The following HDAC9 variants were observed in gnomAD, a reference collection of about 807,000 sequenced individuals.
HDAC9 encodes MEF-2 interacting transcription repressor (MITR) protein.
HDAC9 carries 41 observed loss-of-function variants against 139.4 expected under a neutral mutation model. The ratio of observed to expected loss-of-function variants is 0.29; its 90% CI spans 0.23 to 0.38. The LOEUF is 0.38. HDAC9 is among the 10% of genes least tolerant of loss of function. The probability of loss-of-function intolerance (pLI) is 1.00; values close to 1 mark genes in which losing one functional copy is unlikely to be tolerated. For synonymous variants in HDAC9, 517 were observed against 476.2 expected, an observed-to-expected ratio of 1.09 and a Z score of -1.12; for missense variants, 1,147 against 1,297.0, an observed-to-expected ratio of 0.88 and a Z score of 1.78.
intron 21 of HDAC9, among the ~76,000 whole-genome samples, chr7:18,861,093 A>G (rs555576746): frequency 7.2e-5 from 11 of 152,330 alleles, no homozygotes; most frequent in African/African-American, 2.6e-4. Context: ...AAATCATAAT[A>G]AAATATTTCT....
intron 2 of HDAC9, among the ~76,000 whole-genome samples, chr7:18,527,572 C>T (rs1427719445): frequency 1.3e-5 from 2 of 152,010 alleles, no homozygotes; most frequent in African/African-American, 4.8e-5. Flanking sequence ...ATTCACAATA[C>T]AAAAGTCATT....
intron 1 of HDAC9, among the ~76,000 whole-genome samples, chr7:18,416,173 G>A (rs865837700): frequency 1.3e-5 from 2 of 152,040 alleles, no homozygotes; most frequent in Admixed American, 6.6e-5. Flanking sequence ...GCGCATGCCT[G>A]TAATCCCAGC....
chr7:18,520,973 GAC>G (rs1804837145), intron 2 of HDAC9, among the ~76,000 whole-genome samples: 1 of 152,182 alleles, frequency 6.6e-6, no homozygotes, highest in Admixed American at 6.6e-5. Context: ...CCATGAGAAT[GAC>G]ACAAAGCTTA....
intron 11 of HDAC9, among the ~76,000 whole-genome samples, chr7:18,664,020 A>T (rs963074569): frequency 2.6e-5 from 4 of 152,158 alleles, no homozygotes; most frequent in Admixed American, 6.5e-5. Context: ...GCTCGTTTCT[A>T]TGCTGTTGCA....
At chr7:18,200,972 T>C (rs1050862822) in intron 2 of HDAC9, among the ~76,000 whole-genome samples, 6 of 152,174 alleles carry the variant, frequency 3.9e-5, no homozygotes, top group African/African-American at 1.4e-4. Context: ...ATTTTAGTTA[T>C]ACCATCATAG....
intron 13 of HDAC9, among the ~76,000 whole-genome samples, chr7:18,735,801 T>C (rs934594723): frequency 8.5e-5 from 13 of 152,202 alleles, no homozygotes; most frequent in Non-Finnish European, 1.9e-4. Context: ...GGGGATAGCA[T>C]TGAATCTATA....
At chr7:18,375,946 G>A (rs1274585545) in intron 1 of HDAC9, among the ~76,000 whole-genome samples, 1 of 152,190 alleles carries the variant, frequency 6.6e-6, no homozygotes, top group African/African-American at 2.4e-5. Flanking sequence ...TAAAATGAAT[G>A]TATTGTACAA....
chr7:18,442,391 G>A (rs1791868591), intron 1 of HDAC9, among the ~76,000 whole-genome samples: 1 of 152,106 alleles, frequency 6.6e-6, no homozygotes, highest in African/African-American at 2.4e-5. Context: ...CAATAGAAGT[G>A]ACCAAATATT....
At chr7:18,709,697 T>G (rs1484989643) in intron 12 of HDAC9, among the ~76,000 whole-genome samples, 1 of 152,196 alleles carries the variant, frequency 6.6e-6, no homozygotes, top group Non-Finnish European at 1.5e-5. Context: ...CTTACAGGTT[T>G]AGAATCAAAT....
chr7:18,874,690 A>T, intron 22 of HDAC9, 94 bp downstream of exon 22: 1 of 701,996 alleles, frequency 1.4e-6, no homozygotes, highest in African/African-American at 1.8e-5. Context: ...TGTGTCCAGT[A>T]AACTTGGGTG....
chr7:18,194,089 A>G (rs1790560580), intron 2 of HDAC9, among the ~76,000 whole-genome samples: 4 of 152,188 alleles, frequency 2.6e-5, no homozygotes, highest in African/African-American at 7.2e-5. Context: ...AGCCAAAGAA[A>G]GGAGATGTAT....
intron 17 of HDAC9, among the ~76,000 whole-genome samples, chr7:18,818,677 T>C (rs1042003953): frequency 6.6e-6 from 1 of 152,238 alleles, no homozygotes; most frequent in Admixed American, 6.5e-5. Flanking sequence ...CGTTTTGTTC[T>C]GCATTCTGTA....
intron 2 of HDAC9, among the ~76,000 whole-genome samples, chr7:18,524,789 C>CTGAGT (rs565522088): frequency 4.2e-4 from 63 of 151,622 alleles, no homozygotes; most frequent in Middle Eastern, 3.4e-3. Flanking sequence ...TCCCAAACCC[C>CTGAGT]TGAGTTGAAG....
intron 21 of HDAC9, among the ~76,000 whole-genome samples, chr7:18,839,498 G>A (rs1562978591): frequency 6.6e-6 from 1 of 152,024 alleles, no homozygotes. Flanking sequence ...TGGCAGAGAA[G>A]AGCTATTCAA....
intron 6 of HDAC9, among the ~76,000 whole-genome samples, chr7:18,598,441 C>T (rs1408436946): frequency 2.6e-5 from 4 of 152,082 alleles, no homozygotes; most frequent in Non-Finnish European, 4.4e-5. Flanking sequence ...GTAATTCAGG[C>T]TTTGAATCCA....
chr7:18,177,396 C>G lies in HDAC9; in HGVS notation c.25+15047C>G, dbSNP rs562449070. Among the ~76,000 whole-genome samples the G allele has an allele frequency of 4.7e-4, 71 of 152,270 alleles. No homozygotes were observed. In the South Asian group the frequency reaches 9.9e-3, roughly 21 times the overall value. On this transcript the variant is annotated intron_variant, in intron 2 of 12. Coordinates refer to the HDAC9 transcript ENST00000417496. Reference sequence around the variant, plus strand: ...CCCTGTATAAGAAATGTCAGTGGCTCTCTATCACATCTATTTAAGGTATAT... The same window carrying G: ...CCCTGTATAAGAAATGTCAGTGGCTGTCTATCACATCTATTTAAGGTATAT...
intron 1 of HDAC9, among the ~76,000 whole-genome samples, chr7:18,457,570 AGCTG>A (rs1197809898): frequency 2.1e-4 from 32 of 152,318 alleles, no homozygotes; most frequent in African/African-American, 2.6e-4. Context: ...GCCCCTGTGC[AGCTG>A]ACCCATTATA....
chr7:18,587,867 G>A (rs930759153), intron 3 of HDAC9, among the ~76,000 whole-genome samples: 2 of 152,188 alleles, frequency 1.3e-5, no homozygotes, highest in African/African-American at 4.8e-5. Flanking sequence ...TAAATTGTGT[G>A]CTTTTCTAGA....
rs3138825 is a variant in HDAC9 at position 18,349,307 on chromosome 7, T to TACACACACACAC, written c.-42+58836_-42+58847dup. Among the ~76,000 whole-genome samples, 545 of 125,802 alleles carry TACACACACACAC rather than the reference T, an allele frequency of 4.3e-3. 8 individuals are homozygous for TACACACACACAC. The highest frequency in any genetic ancestry group is 7.7e-3 in the African/African-American group (245 of 31,644). The allele number at this position is 125,802 out of a possible 152,430, so 82.5% of individuals were successfully genotyped here. A position where few individuals can be genotyped will look rare whatever the true frequency, so the allele number is the denominator to read the frequency against. On this transcript the variant is annotated intron_variant, in intron 1 of 3. Transcript: ENST00000413509. ...ATGACCTCCCATACTTGAGAACATC[T>TACACACACACAC]ACACACACACACACACACACACACA...
Sources: gnomAD v4.1 joint callset for allele counts (sites outside exome capture counted in the v4.1 genomes callset) on GRCh38, gnomAD v4.1.1 for gene constraint, MANE v1.5 for transcripts, NCBI Gene and HGNC (gene_info 2026-07-23, HGNC 2026-07-21) for gene names.